The following AGTPBP1 variants were observed in gnomAD, a reference collection of about 807,000 sequenced individuals.
The protein encoded by AGTPBP1 is cytosolic carboxypeptidase 1.
AGTPBP1 carries 70 observed loss-of-function variants against 143.9 expected under a neutral mutation model. The ratio of observed to expected loss-of-function variants is 0.49; its 90% CI spans 0.40 to 0.59. The LOEUF is 0.59. Among genes scored for constraint, AGTPBP1 ranks in the 20% least tolerant of loss-of-function variants. The pLI is 0.00. For synonymous variants in AGTPBP1, 463 were observed against 500.2 expected (o/e 0.93, Z 0.99); for missense variants, 1,229 against 1,464.5 (o/e 0.84, Z 2.62).
intron 2 of AGTPBP1, among the ~76,000 whole-genome samples, chr9:85,698,357 G>A (rs913750945): frequency 5.3e-5 from 8 of 152,124 alleles, no homozygotes; most frequent in East Asian, 1.9e-4. Flanking sequence ...GCAAATAAAT[G>A]GAAATAAACA....
At chr9:85,580,371 TAGAA>T (rs1028502517) in intron 23 of AGTPBP1, among the ~76,000 whole-genome samples, 10 of 152,098 alleles carry the variant, frequency 6.6e-5, no homozygotes, top group African/African-American at 2.4e-4. Flanking sequence ...TTTTGAGGCT[TAGAA>T]AGATTTTTTT....
intron 10 of AGTPBP1, among the ~76,000 whole-genome samples, chr9:85,655,994 A>AGGGG (rs1833484263): frequency 1.3e-5 from 2 of 152,028 alleles, no homozygotes; most frequent in Non-Finnish European, 2.9e-5. Flanking sequence ...CGCCCGGCTA[A>AGGGG]TTTTTTGTAT....
intron 23 of AGTPBP1, among the ~76,000 whole-genome samples, chr9:85,580,666 A>G (rs760690232): frequency 2.0e-5 from 3 of 152,206 alleles, no homozygotes; most frequent in Non-Finnish European, 2.9e-5. Flanking sequence ...AAACAGTACT[A>G]TCGTTCACGG....
At chr9:85,703,202 C>T (rs1238929937) in intron 2 of AGTPBP1, among the ~76,000 whole-genome samples, 1 of 152,158 alleles carries the variant, frequency 6.6e-6, no homozygotes, top group Non-Finnish European at 1.5e-5. Flanking sequence ...AAGAATGAGG[C>T]TGTTTAGTCC....
chr9:85,768,297 T>A, the AGTPBP1 span, among the ~76,000 whole-genome samples: 33 of 152,350 alleles, frequency 2.2e-4, no homozygotes, highest in Non-Finnish European at 3.8e-4. Flanking sequence ...ACATTTGTTT[T>A]TGATAAAATA....
chr9:85,639,452 C>CA (rs929533077), intron 13 of AGTPBP1, among the ~76,000 whole-genome samples: 5 of 150,532 alleles, frequency 3.3e-5, no homozygotes, highest in Admixed American at 3.3e-4. Context: ...GATGACAACG[C>CA]AAAAAAAGAA....
chr9:85,686,791 G>A (rs1169995563), intron 3 of AGTPBP1, among the ~76,000 whole-genome samples: 1 of 151,978 alleles, frequency 6.6e-6, no homozygotes, highest in African/African-American at 2.4e-5. Context: ...GAACCACTAA[G>A]AAAAGAACTC....
the AGTPBP1 span, chr9:85,773,779 A>G: frequency 1.1e-6 from 1 of 881,414 alleles, no homozygotes; most frequent in Non-Finnish European, 1.8e-6. Context: ...TAAGAAAAGT[A>G]GATTATTATA....
the AGTPBP1 span, among the ~76,000 whole-genome samples, chr9:85,765,484 TAC>T: frequency 6.6e-6 from 1 of 152,336 alleles, no homozygotes; most frequent in Non-Finnish European, 1.5e-5. Context: ...TAGTTTTAGT[TAC>T]AGTTTTTTTA....
At chr9:85,712,093 G>A (rs11141072) in intron 2 of AGTPBP1, among the ~76,000 whole-genome samples, 13,100 of 151,946 alleles carry the variant, frequency 0.086, 1,246 homozygotes, top group East Asian at 0.55. Flanking sequence ...GTGAAACCCC[G>A]TCTCTACTAA....
intron 4 of AGTPBP1, among the ~76,000 whole-genome samples, chr9:85,680,589 AAAAAG>A (rs1490510367): frequency 1.3e-5 from 2 of 152,276 alleles, no homozygotes; most frequent in South Asian, 2.1e-4. Context: ...GTCTCAAAAA[AAAAAG>A]AAAAGAAAAG....
chr9:85,626,693 A>G (rs1831317902), intron 14 of AGTPBP1, among the ~76,000 whole-genome samples: 1 of 152,086 alleles, frequency 6.6e-6, no homozygotes. Context: ...CTTCTCCTAC[A>G]AAGAGCCAGA....
intron 21 of AGTPBP1, among the ~76,000 whole-genome samples, chr9:85,587,417 T>C (rs182309762): frequency 1.0e-3 from 155 of 152,290 alleles, no homozygotes; most frequent in Admixed American, 2.1e-3. Flanking sequence ...TACACTGTTG[T>C]AAAACATCAA....
intron 17 of AGTPBP1, among the ~76,000 whole-genome samples, chr9:85,603,604 G>T (rs1024538795): frequency 6.6e-6 from 1 of 152,152 alleles, no homozygotes; most frequent in African/African-American, 2.4e-5. Context: ...TTTGCTCAAG[G>T]AAAGGAGAGA....
chr9:85,688,595 T>G (rs554907202), intron 3 of AGTPBP1, among the ~76,000 whole-genome samples: 1 of 152,236 alleles, frequency 6.6e-6, no homozygotes, highest in African/African-American at 2.4e-5. Flanking sequence ...AAAAGGATTA[T>G]AAGGAAAGAT....
chr9:85,675,435 C>T (rs897857323), intron 6 of AGTPBP1, among the ~76,000 whole-genome samples: 2 of 152,042 alleles, frequency 1.3e-5, no homozygotes, highest in African/African-American at 4.8e-5. Flanking sequence ...TTTTTGTCTT[C>T]TTAACTAAGA....
At chr9:85,635,099 G>A (rs1359421715) in intron 13 of AGTPBP1, among the ~76,000 whole-genome samples, 1 of 152,032 alleles carries the variant, frequency 6.6e-6, no homozygotes, top group African/African-American at 2.4e-5. Flanking sequence ...TTTGTTCCTG[G>A]ATACAGGGTT....
the AGTPBP1 span, among the ~76,000 whole-genome samples, chr9:85,754,001 A>T: frequency 6.6e-6 from 1 of 152,198 alleles, no homozygotes; most frequent in Non-Finnish European, 1.5e-5. Context: ...CTGTTGCCCA[A>T]GTAGTGAAAC....
intron 13 of AGTPBP1, 33 bp from the exon 14 acceptor site, chr9:85,633,407 C>G (rs1294983322): frequency 7.0e-7 from 1 of 1,430,372 alleles, no homozygotes; most frequent in Admixed American, 2.4e-5. Flanking sequence ...AATCTTTTAA[C>G]TGTAAATATT....
Sources: gnomAD v4.1 joint callset for allele counts (sites outside exome capture counted in the v4.1 genomes callset) on GRCh38, gnomAD v4.1.1 for gene constraint, MANE v1.5 for transcripts, NCBI Gene and HGNC (gene_info 2026-07-23, HGNC 2026-07-21) for gene names.